The following BLTP3B variants were observed in gnomAD, a reference collection of about 807,000 sequenced individuals.
BLTP3B encodes the protein UHRF1 (ICBP90) binding protein 1-like.
At chr12:100,110,229 A>G in the BLTP3B span, among the ~76,000 whole-genome samples, 2 of 152,286 alleles carry the variant, frequency 1.3e-5, no homozygotes, top group East Asian at 3.9e-4. Context: ...CAATCAATAA[A>G]CTCATGTTTC....
chr12:100,066,224 G>C, the BLTP3B span, among the ~76,000 whole-genome samples: 1 of 152,110 alleles, frequency 6.6e-6, no homozygotes, highest in East Asian at 1.9e-4. Flanking sequence ...AGCAGGAGTA[G>C]CTATTCTTGT....
At chr12:100,050,044 A>G in the BLTP3B span, 4 of 999,064 alleles carry the variant, frequency 4.0e-6, 1 homozygote, top group South Asian at 5.1e-5. Flanking sequence ...ACTACTAATA[A>G]TAAGTAAATG....
the BLTP3B span, chr12:100,089,146 T>A: frequency 7.2e-7 from 1 of 1,380,818 alleles, no homozygotes; most frequent in Non-Finnish European, 9.5e-7. Context: ...TACTGGAAAT[T>A]TCACACAAAA....
the BLTP3B span, among the ~76,000 whole-genome samples, chr12:100,114,402 T>C: frequency 1.3e-5 from 2 of 152,212 alleles, no homozygotes; most frequent in African/African-American, 4.8e-5. Context: ...TGAAAGGTAC[T>C]GAAAAGATTA....
chr12:100,130,001 G>A, the BLTP3B span, among the ~76,000 whole-genome samples: 5 of 152,162 alleles, frequency 3.3e-5, no homozygotes, highest in Non-Finnish European at 7.4e-5. Context: ...CTGTTGCCCA[G>A]GCTAGAGTGC....
At chr12:100,082,528 T>G in the BLTP3B span, among the ~76,000 whole-genome samples, 1 of 152,248 alleles carries the variant, frequency 6.6e-6, no homozygotes, top group African/African-American at 2.4e-5. Flanking sequence ...TGTCAGCCTT[T>G]ACATTTAAGT....
the BLTP3B span, among the ~76,000 whole-genome samples, chr12:100,042,538 G>A: frequency 0.012 from 1,811 of 152,176 alleles, 42 homozygotes; most frequent in African/African-American, 0.041. Context: ...TAAATTTAAC[G>A]GCTAATTCTA....
chr12:100,044,146 G>A, the BLTP3B span, among the ~76,000 whole-genome samples: 1 of 151,968 alleles, frequency 6.6e-6, no homozygotes, highest in South Asian at 2.1e-4. Flanking sequence ...AACACATTTG[G>A]GAAAGAGGGC....
the BLTP3B span, among the ~76,000 whole-genome samples, chr12:100,074,601 A>AG: frequency 6.6e-6 from 1 of 152,002 alleles, no homozygotes; most frequent in Non-Finnish European, 1.5e-5. Context: ...TTCAAAAAAA[A>AG]AAAAAAAAAG....
At chr12:100,094,143 A>G in the BLTP3B span, among the ~76,000 whole-genome samples, 3 of 152,192 alleles carry the variant, frequency 2.0e-5, no homozygotes, top group African/African-American at 7.2e-5. Context: ...TTTTGGAAAC[A>G]GATCTCACTC....
At chr12:100,097,619 T>C in the BLTP3B span, 4 of 1,167,032 alleles carry the variant, frequency 3.4e-6, no homozygotes, top group East Asian at 1.0e-4. Flanking sequence ...ACATGACATT[T>C]TAGATATATT....
At chr12:100,061,656 C>CAAA in the BLTP3B span, among the ~76,000 whole-genome samples, 149 of 67,250 alleles carry the variant, frequency 2.2e-3, 1 homozygote, top group African/African-American at 6.9e-3. Flanking sequence ...GACTCCGTCT[C>CAAA]AAAAAAAAAA....
At chr12:100,051,777 T>A in the BLTP3B span, 1 of 152,168 alleles carries the variant, frequency 6.6e-6, no homozygotes, top group Non-Finnish European at 1.5e-5. Context: ...TGAACAAGCC[T>A]GGGTGTGGTG....
chr12:100,058,448 T>C, the BLTP3B span: 1 of 1,613,330 alleles, frequency 6.2e-7, no homozygotes, highest in South Asian at 1.1e-5. Flanking sequence ...AAGGATCCTT[T>C]AAAGGGATAT....
chr12:100,091,069 C>A, the BLTP3B span, among the ~76,000 whole-genome samples: 1 of 151,484 alleles, frequency 6.6e-6, no homozygotes, highest in Non-Finnish European at 1.5e-5. Flanking sequence ...CTCTGTTACC[C>A]AGGCTGGAGT....
At chr12:100,096,676 C>T in the BLTP3B span, among the ~76,000 whole-genome samples, 1 of 151,854 alleles carries the variant, frequency 6.6e-6, no homozygotes, top group African/African-American at 2.4e-5. Context: ...TAAAAATAAG[C>T]TAGGCATGGT....
the BLTP3B span, among the ~76,000 whole-genome samples, chr12:100,093,783 G>A: frequency 6.6e-6 from 1 of 152,166 alleles, no homozygotes; most frequent in Admixed American, 6.5e-5. Context: ...TTGGAAAATT[G>A]TAATATATCG....
chr12:100,060,183 G>C, the BLTP3B span: 2 of 667,308 alleles, frequency 3.0e-6, no homozygotes, highest in East Asian at 3.3e-5. Flanking sequence ...AAATCAAAGT[G>C]ATACATTGGA....
the BLTP3B span, among the ~76,000 whole-genome samples, chr12:100,134,865 A>T: frequency 6.6e-6 from 1 of 152,166 alleles, no homozygotes; most frequent in African/African-American, 2.4e-5. Flanking sequence ...CCTTCAAAAT[A>T]CACCTAGAAC....
Sources: gnomAD v4.1 joint callset for allele counts (sites outside exome capture counted in the v4.1 genomes callset) on GRCh38, gnomAD v4.1.1 for gene constraint, MANE v1.5 for transcripts, NCBI Gene and HGNC (gene_info 2026-07-23, HGNC 2026-07-21) for gene names.